SNX14: variants seen among roughly 807,000 people sequenced by gnomAD.
SNX14 encodes the protein sorting nexin-14.
A neutral mutation model predicts 133.8 loss-of-function variants in SNX14; 93 were observed. The ratio of observed to expected loss-of-function variants is 0.70; its 90% CI spans 0.59 to 0.83. The LOEUF (loss-of-function observed/expected upper bound fraction) is 0.83, where lower values mean the gene tolerates loss of function less well. Among genes scored for constraint, SNX14 ranks in the 40% least tolerant of loss-of-function variants. The pLI, the probability that SNX14 is intolerant of heterozygous loss-of-function variation, is 0.00. For missense variants in SNX14, 945 were observed against 1,094.9 expected, an observed-to-expected ratio of 0.86 and a Z score of 1.93; for synonymous variants, 368 against 365.6, an observed-to-expected ratio of 1.01 and a Z score of -0.07.
At chr6:85,533,531 A>G (rs1780917641) in intron 18 of SNX14, 68 bp downstream of exon 18, 1 of 1,471,830 alleles carries the variant, frequency 6.8e-7, no homozygotes, top group Non-Finnish European at 9.2e-7. Flanking sequence ...CAAAATGTTT[A>G]TCATACCTGA....
chr6:85,591,089 T>C (rs1053624904), intron 1 of SNX14, among the ~76,000 whole-genome samples: 6 of 152,210 alleles, frequency 3.9e-5, no homozygotes, highest in Non-Finnish European at 7.3e-5. Context: ...GTGGCCCTAA[T>C]CTCTGCACTG....
intron 26 of SNX14, among the ~76,000 whole-genome samples, chr6:85,508,959 G>A (rs2127757027): frequency 6.6e-6 from 1 of 152,230 alleles, no homozygotes; most frequent in East Asian, 1.9e-4. Context: ...ATTTACAATA[G>A]GCATAGTACA....
chr6:85,546,561 T>C (rs554781494), intron 12 of SNX14, among the ~76,000 whole-genome samples: 2 of 152,290 alleles, frequency 1.3e-5, no homozygotes, highest in South Asian at 2.1e-4. Flanking sequence ...ACTGTACTTT[T>C]AGTATTTTTT....
chr6:85,591,120 A>T (rs544407448), intron 1 of SNX14, among the ~76,000 whole-genome samples: 33 of 152,280 alleles, frequency 2.2e-4, no homozygotes, highest in Non-Finnish European at 4.6e-4. Context: ...AACTTCATAT[A>T]AAATTATTTT....
intron 21 of SNX14, among the ~76,000 whole-genome samples, chr6:85,524,612 T>C (rs925712377): frequency 3.3e-5 from 5 of 151,806 alleles, no homozygotes; most frequent in Non-Finnish European, 5.9e-5. Context: ...TGAAACCCCA[T>C]CTCTACTAAA....
intron 26 of SNX14, among the ~76,000 whole-genome samples, chr6:85,511,307 C>T (rs575981555): frequency 2.6e-5 from 4 of 152,258 alleles, no homozygotes; most frequent in African/African-American, 9.6e-5. Context: ...TTTCCAGGAG[C>T]ATTTTTGTCA....
At chr6:85,546,886 A>G (rs1173454876) in intron 12 of SNX14, among the ~76,000 whole-genome samples, 6 of 150,696 alleles carry the variant, frequency 4.0e-5, no homozygotes, top group Non-Finnish European at 8.9e-5. Flanking sequence ...GCTTGAACCC[A>G]GGAGGCGGAG....
rs556215664 is a variant in SNX14 at position 85,539,601 on chromosome 6, A to G, written c.1449-737T>C. On this transcript the variant is annotated intron_variant, in intron 15 of 28. Coordinates refer to ENST00000314673, the MANE Select transcript of SNX14 (RefSeq NM_153816.6). ...AAGTCATGTAATAGCAAATTAACAA[A>G]GCTATTCTAAATTTCCAATGAAAGA... is the stretch of plus-strand genomic sequence containing the variant. 3.0e-4 allele frequency among the ~76,000 whole-genome samples: 45 copies of G among 152,324 alleles called. 1 individual carries two copies. Among genetic ancestry groups the G allele is most frequent in the Middle Eastern group, 6.8e-3 (2 of 294 alleles).
At chr6:85,537,081 T>A in intron 16 of SNX14, 157 bp from the exon 17 acceptor site, 1 of 590,096 alleles carries the variant, frequency 1.7e-6, no homozygotes, top group Non-Finnish European at 2.6e-6. Flanking sequence ...ACGGATTAAG[T>A]ATCAACATCT....
At chr6:85,589,024 C>T in intron 1 of SNX14, 3 of 381,704 alleles carry the variant, frequency 7.9e-6, no homozygotes, top group South Asian at 5.8e-5. Flanking sequence ...TATAGAAGTA[C>T]ATCATGATTT....
At chr6:85,532,019 C>A (rs1032730333) in intron 18 of SNX14, among the ~76,000 whole-genome samples, 1 of 144,028 alleles carries the variant, frequency 6.9e-6, no homozygotes, top group East Asian at 2.0e-4. Flanking sequence ...CAAAGCAAGA[C>A]CCTCTCTCAA....
chr6:85,511,656 T>C (rs1474415279), intron 26 of SNX14, among the ~76,000 whole-genome samples: 2 of 152,244 alleles, frequency 1.3e-5, no homozygotes, highest in Non-Finnish European at 2.9e-5. Flanking sequence ...GCTATGATCA[T>C]GATTTTTCTT....
intron 19 of SNX14, among the ~76,000 whole-genome samples, chr6:85,529,009 A>C (rs1042544607): frequency 6.6e-6 from 1 of 151,388 alleles, no homozygotes; most frequent in Non-Finnish European, 1.5e-5. Flanking sequence ...TTGAGAGCAC[A>C]CCACTGCACT....
intron 21 of SNX14, among the ~76,000 whole-genome samples, 157 bp from the exon 22 acceptor site, chr6:85,518,205 A>G (rs1775704078): frequency 6.6e-6 from 1 of 152,218 alleles, no homozygotes; most frequent in South Asian, 2.1e-4. Context: ...GAAATTTTCA[A>G]TAAATATGGT....
chr6:85,526,338 T>C, intron 20 of SNX14, 101 bp from the exon 21 acceptor site: 1 of 720,562 alleles, frequency 1.4e-6, no homozygotes, highest in Non-Finnish European at 2.3e-6. Context: ...CAAAAGCTAC[T>C]TTATATTTAA....
rs147179585 is a variant in SNX14, at chr6:85,585,461, A to G, written c.140+8118T>C. Among the ~76,000 whole-genome samples the G allele has an allele frequency of 4.4e-3, 667 of 152,302 alleles. 3 individuals carry two copies. Among genetic ancestry groups the G allele is most frequent in the Non-Finnish European group, 7.0e-3 (478 of 68,026 alleles). Reference sequence around the variant, plus strand: ...AAGCATTCAGAAACTTGGGGGGAAAAACAATAAATCCAAACACATGAAAAG... The same window carrying G: ...AAGCATTCAGAAACTTGGGGGGAAAGACAATAAATCCAAACACATGAAAAG... On this transcript the variant is annotated intron_variant, in intron 1 of 28. Coordinates refer to ENST00000314673, the MANE Select transcript of SNX14 (RefSeq NM_153816.6).
chr6:85,549,311 G>A (rs1048103191), intron 8 of SNX14, among the ~76,000 whole-genome samples: 4 of 152,152 alleles, frequency 2.6e-5, no homozygotes, highest in Admixed American at 2.0e-4. Flanking sequence ...CAGACTAGAT[G>A]ACCTCCAATT....
At chr6:85,510,463 T>C (rs1772401488) in intron 26 of SNX14, among the ~76,000 whole-genome samples, 1 of 152,188 alleles carries the variant, frequency 6.6e-6, no homozygotes, top group Admixed American at 6.5e-5. Context: ...TAAAATCAGG[T>C]TGTTTGTGTT....
chr6:85,545,185 A>C (rs926157300), intron 12 of SNX14, among the ~76,000 whole-genome samples: 8 of 152,220 alleles, frequency 5.3e-5, no homozygotes, highest in Non-Finnish European at 1.0e-4. Context: ...CACTCAAAAA[A>C]ATAGGAAAGA....
Sources: allele counts gnomAD v4.1 joint callset (sites outside exome capture counted in the v4.1 genomes callset), GRCh38; gene constraint gnomAD v4.1.1; transcripts MANE v1.5; gene names NCBI Gene and HGNC (gene_info 2026-07-23, HGNC 2026-07-21).